Variants in ARHGAP29 observed in about 807,000 individuals in gnomAD.
The protein encoded by ARHGAP29 is rho GTPase-activating protein 29.
Under a neutral mutation model 122.6 loss-of-function variants are expected in ARHGAP29, and 43 were observed. The ratio of observed to expected loss-of-function variants is 0.35; its 90% CI spans 0.27 to 0.45. ARHGAP29 has a LOEUF of 0.45. Among genes scored for constraint, ARHGAP29 ranks in the 20% least tolerant of loss-of-function variants. The pLI, the probability that ARHGAP29 is intolerant of heterozygous loss-of-function variation, is 1.00. For missense variants in ARHGAP29, 1,303 were observed against 1,477.2 expected (o/e 0.88, Z 1.93); for synonymous variants, 506 against 497.1 (o/e 1.02, Z -0.24).
chr1:94,275,335 G>A (rs1655144021), upstream of ARHGAP29, among the ~76,000 whole-genome samples: 1 of 152,142 alleles, frequency 6.6e-6, no homozygotes, highest in African/African-American at 2.4e-5. Flanking sequence ...ATGGTTTTAG[G>A]GATGTTTACC....
At chr1:94,241,647 T>TATC (rs998319454), upstream of ARHGAP29, among the ~76,000 whole-genome samples, 4 of 143,832 alleles carry the variant, frequency 2.8e-5, no homozygotes, top group Non-Finnish European at 4.6e-5. Context: ...TATAATTATA[T>TATC]ATATATCTTA....
chr1:94,237,228 C>G (rs1653333623), intron 1 of ARHGAP29, among the ~76,000 whole-genome samples, 187 bp downstream of exon 1: 1 of 152,142 alleles, frequency 6.6e-6, no homozygotes, highest in Non-Finnish European at 1.5e-5. Flanking sequence ...CGGCCGGACC[C>G]TTCCCGTGGA....
chr1:94,225,027 A>G (rs1330376917), intron 2 of ARHGAP29, among the ~76,000 whole-genome samples: 1 of 152,200 alleles, frequency 6.6e-6, no homozygotes, highest in African/African-American at 2.4e-5. Flanking sequence ...GAAAAAGGTA[A>G]TCACAAAGGT....
chr1:94,306,394 A>C, the ARHGAP29 span, among the ~76,000 whole-genome samples: 1 of 152,376 alleles, frequency 6.6e-6, no homozygotes, highest in Admixed American at 6.5e-5. Context: ...CGTGAACTTC[A>C]ATAGTTCTTA....
intron 3 of ARHGAP29, among the ~76,000 whole-genome samples, chr1:94,213,329 G>A (rs972546172): frequency 4.0e-4 from 61 of 152,080 alleles, no homozygotes; most frequent in Admixed American, 3.8e-3. Flanking sequence ...ACAGGCACCC[G>A]CCACCAGGCC....
At chr1:94,217,555 T>C (rs1652024176) in intron 3 of ARHGAP29, among the ~76,000 whole-genome samples, 1 of 146,098 alleles carries the variant, frequency 6.8e-6, no homozygotes, top group South Asian at 2.2e-4. Flanking sequence ...CACTCAATGA[T>C]GGACTAGGTG....
At chr1:94,197,474 C>T (rs1260234374) in intron 12 of ARHGAP29, among the ~76,000 whole-genome samples, 2 of 152,050 alleles carry the variant, frequency 1.3e-5, no homozygotes, top group East Asian at 3.8e-4. Flanking sequence ...CAATCTTTTC[C>T]AGAAAACAAA....
At chr1:94,268,893 T>C (rs1654885400) in intron 1 of ARHGAP29, among the ~76,000 whole-genome samples, 1 of 152,128 alleles carries the variant, frequency 6.6e-6, no homozygotes, top group African/African-American at 2.4e-5. Context: ...CTAACTAAAC[T>C]TTAGTAGTGA....
At chr1:94,310,419 C>T in the ARHGAP29 span, among the ~76,000 whole-genome samples, 9 of 152,192 alleles carry the variant, frequency 5.9e-5, no homozygotes, top group Admixed American at 6.5e-5. Flanking sequence ...AGGCACATGC[C>T]GGAGCGTGCT....
At chr1:94,286,056 G>A in the ARHGAP29 span, among the ~76,000 whole-genome samples, 1,569 of 152,200 alleles carry the variant, frequency 0.01, 28 homozygotes, top group African/African-American at 0.036. Context: ...GTACTGAGTA[G>A]CTTAGAACAG....
chr1:94,189,824 T>C, intron 13 of ARHGAP29, 102 bp downstream of exon 13: 1 of 1,167,528 alleles, frequency 8.6e-7, no homozygotes, highest in Non-Finnish European at 1.2e-6. Flanking sequence ...AGAAAATTTT[T>C]AATTTTGTCA....
chr1:94,202,919 A>G lies in ARHGAP29; in HGVS notation c.953T>C (p.Met318Thr). ...KELWKQEQNK[M>T]LEAENALKKA... ...ATGAAACTCCATTTTAATACTAACCATTTTATTTTGCTCCTGTTTCCAAAG... is the reference window on the plus strand; with the variant it reads ...ATGAAACTCCATTTTAATACTAACCGTTTTATTTTGCTCCTGTTTCCAAAG... The change falls in exon 10 of 23, where the codon ATG becomes ACG. Residue 318 changes from methionine (M) to threonine (T), a missense_variant and splice_region_variant. Coordinates refer to ENST00000260526, the MANE Select transcript of ARHGAP29 (RefSeq NM_004815.4). The G allele has an allele frequency of 6.3e-7, 1 of 1,598,528 alleles. No homozygotes were observed. Among genetic ancestry groups the G allele is most frequent in the Non-Finnish European group, 8.5e-7 (1 of 1,175,290 alleles).
chr1:94,191,376 T>C (rs1384426297), intron 12 of ARHGAP29: 3 of 152,208 alleles, frequency 2.0e-5, no homozygotes, highest in Non-Finnish European at 2.9e-5. Flanking sequence ...TCTCTTGATA[T>C]ACCAGATGAT....
chr1:94,184,197 A>C lies in ARHGAP29; in HGVS notation c.2201T>G (p.Phe734Cys). The C allele has an allele frequency of 1.2e-6, 2 of 1,610,008 alleles. No homozygotes were observed. The highest frequency in any genetic ancestry group is 4.5e-5 in the East Asian group (2 of 44,642). Residue 734 changes from phenylalanine (F) to cysteine (C), a missense_variant, in exon 19 of 23, where the codon TTT becomes TGT. Coordinates refer to ENST00000260526, the MANE Select transcript of ARHGAP29 (RefSeq NM_004815.4). Reference sequence around the variant, plus strand: ...GACGTCACAGATATCATGTGAACTAAATTCTGAAATATCTACCAAGTGCAT... The same window carrying C: ...GACGTCACAGATATCATGTGAACTACATTCTGAAATATCTACCAAGTGCAT... ...NGMHLVDISE[F>C]SSHDICDVLK... is the part of the protein sequence containing the mutation.
At chr1:94,217,072 C>A (rs1380010682) in intron 3 of ARHGAP29, among the ~76,000 whole-genome samples, 1 of 152,182 alleles carries the variant, frequency 6.6e-6, no homozygotes, top group African/African-American at 2.4e-5. Flanking sequence ...TTCATGCATT[C>A]AAACCTGTGG....
the ARHGAP29 span, among the ~76,000 whole-genome samples, chr1:94,312,326 G>A: frequency 2.0e-5 from 3 of 149,006 alleles, no homozygotes; most frequent in East Asian, 1.9e-4. Context: ...ATCTGATCCG[G>A]CCTTCCTCCT....
intron 1 of ARHGAP29, among the ~76,000 whole-genome samples, chr1:94,269,770 A>G (rs1432571353): frequency 6.6e-6 from 1 of 152,188 alleles, no homozygotes; most frequent in Non-Finnish European, 1.5e-5. Context: ...TGACGAAATC[A>G]TAGTTCTTAA....
At chr1:94,255,991 G>A (rs1217014491) in intron 1 of ARHGAP29, among the ~76,000 whole-genome samples, 1 of 152,116 alleles carries the variant, frequency 6.6e-6, no homozygotes, top group Admixed American at 6.5e-5. Context: ...AGTACACAAA[G>A]CTCTGCTACA....
intron 1 of ARHGAP29, among the ~76,000 whole-genome samples, chr1:94,242,901 A>C (rs1653654271): frequency 6.6e-6 from 1 of 152,106 alleles, no homozygotes; most frequent in African/African-American, 2.4e-5. Context: ...TAATCATAAG[A>C]AAGCCAAAGT....
Sources: allele counts gnomAD v4.1 joint callset (sites outside exome capture counted in the v4.1 genomes callset), GRCh38; gene constraint gnomAD v4.1.1; transcripts MANE v1.5; gene names NCBI Gene and HGNC (gene_info 2026-07-23, HGNC 2026-07-21).